CUL4A: variants seen among roughly 807,000 people sequenced by gnomAD.
CUL4A encodes the protein cullin 4A.
Under a neutral mutation model 95.5 loss-of-function variants are expected in CUL4A, and 16 were observed. The observed-to-expected ratio is 0.17, with a 90% confidence interval of 0.11 to 0.25. The LOEUF (loss-of-function observed/expected upper bound fraction) is 0.25. Among genes scored for constraint, CUL4A ranks in the 10% least tolerant of loss-of-function variants. CUL4A has a pLI of 1.00. For missense variants in CUL4A, 610 were observed against 937.0 expected (o/e 0.65, Z 4.56); for synonymous variants, 380 against 353.1 (o/e 1.08, Z -0.85).
rs1253267094 is a variant in CUL4A at position 113,209,898 on chromosome 13, C to T, written c.149-75C>T. On this transcript the variant is annotated intron_variant, in intron 1 of 19. Transcript: ENST00000375440. The stretch of plus-strand genomic sequence containing the variant: ...CCCGGGAGCGGGGGCGCCGGGGCGC[C>T]GGCCGGGTCGGGGGTGGCTACGCGG... 9 of 1,229,514 alleles carry T rather than the reference C, an allele frequency of 7.3e-6. No individual in the cohort carries two copies. The African/African-American group carries it at 8.0e-5, about 11-fold the overall frequency. 76.2% of individuals were successfully genotyped at this position (1,229,514 alleles called of 1,614,324 possible). A position where few individuals can be genotyped will look rare whatever the true frequency, so the allele number is the denominator to read the frequency against.
At chr13:113,226,923 G>A (rs2041125973) in intron 3 of CUL4A, among the ~76,000 whole-genome samples, 1 of 152,184 alleles carries the variant, frequency 6.6e-6, no homozygotes, top group Non-Finnish European at 1.5e-5. Context: ...GCCCCCCTGT[G>A]GGAGTATGTT....
At chr13:113,244,119 G>C (rs374177851) in intron 11 of CUL4A, 50 of 276,548 alleles carry the variant, frequency 1.8e-4, no homozygotes, top group African/African-American at 9.0e-4. Context: ...TGAAACCTGA[G>C]CATGTATTTG....
At chr13:113,251,051 C>T (rs1270338773) in intron 15 of CUL4A, among the ~76,000 whole-genome samples, 2 of 152,140 alleles carry the variant, frequency 1.3e-5, no homozygotes, top group African/African-American at 4.8e-5. Context: ...GTCTAGAGAG[C>T]AGCAGGCATT....
At position 113,232,400 on chromosome 13, in the gene CUL4A, CCA is replaced by C. The variant is rs1445214025; in HGVS notation, c.513-775_513-774del. ...CCTGTCCACCACTATATTACTGCTG[CCA>C]CCACCACCACTATTACTATTACTGC... On this transcript the variant is annotated intron_variant, in intron 5 of 19. Transcript: ENST00000375440. Among the ~76,000 whole-genome samples, 3 of 87,776 alleles carry C rather than the reference CCA, an allele frequency of 3.4e-5. No individual in the cohort carries two copies. In the South Asian group the frequency reaches 1.0e-3, roughly 30 times the overall value. 57.6% of individuals were successfully genotyped at this position (87,776 alleles called of 152,430 possible).
At chr13:113,234,279 T>C (rs1026236300) in intron 7 of CUL4A, among the ~76,000 whole-genome samples, 5 of 152,150 alleles carry the variant, frequency 3.3e-5, no homozygotes, top group African/African-American at 4.8e-5. Context: ...AAAACATACA[T>C]GAAAACTTAA....
chr13:113,217,358 G>A (rs1056430520), intron 2 of CUL4A, among the ~76,000 whole-genome samples: 1 of 152,172 alleles, frequency 6.6e-6, no homozygotes, highest in East Asian at 1.9e-4. Flanking sequence ...AGGAGTTAAA[G>A]TAAATACAGA....
chr13:113,261,095 T>A lies in CUL4A; in HGVS notation c.2184+336T>A, dbSNP rs75715495. Among the ~76,000 whole-genome samples the A allele has an allele frequency of 8.3e-3, 1,259 of 152,266 alleles. 24 individuals carry two copies. Among genetic ancestry groups the A allele is most frequent in the African/African-American group, 0.029 (1,191 of 41,540 alleles). On this transcript the variant is annotated intron_variant, in intron 19 of 19. Transcript: ENST00000375440. ...GTTACATCACAAGATTTTAAGGAAA[T>A]GATAACAATAACTAACTTACTCAGC...
intron 3 of CUL4A, among the ~76,000 whole-genome samples, chr13:113,224,314 C>G (rs957458265): frequency 2.0e-5 from 3 of 151,962 alleles, no homozygotes; most frequent in African/African-American, 7.3e-5. Flanking sequence ...GATCGCACCA[C>G]TGCACTCCAG....
At chr13:113,219,192 C>A in intron 3 of CUL4A, 144 bp downstream of exon 3, 1 of 497,242 alleles carries the variant, frequency 2.0e-6, no homozygotes, top group South Asian at 4.0e-5. Context: ...GGTTTGTAAG[C>A]GAAATTTACC....
rs1223064524 is a variant in CUL4A at position 113,267,075 on chromosome 13, C to G, written c.*3493C>G. The G allele has an allele frequency of 6.6e-6, 1 of 152,060 alleles. No homozygotes were observed. The highest frequency in any genetic ancestry group is 2.4e-5 in the African/African-American group (1 of 41,398). The allele number at this position is 152,060 out of a possible 1,614,324, so 9.4% of individuals were successfully genotyped here. A position where few individuals can be genotyped will look rare whatever the true frequency, so the allele number is the denominator to read the frequency against. On this transcript the variant is annotated 3_prime_UTR_variant, in exon 20 of 20. Transcript: ENST00000375440. ...ATTCACCATGCTGTACAATAGAACTCAGAAAAAGAAAAATATAGTCCTCCT... is the reference window on the plus strand; with the variant it reads ...ATTCACCATGCTGTACAATAGAACTGAGAAAAAGAAAAATATAGTCCTCCT...
At chr13:113,215,952 C>G (rs577851864) in intron 2 of CUL4A, among the ~76,000 whole-genome samples, 4 of 142,940 alleles carry the variant, frequency 2.8e-5, no homozygotes, top group African/African-American at 8.0e-5. Context: ...ATGGAGGTCT[C>G]GTCTGTGTGG....
intron 7 of CUL4A, 52 bp downstream of exon 7, chr13:113,234,038 C>G: frequency 1.8e-6 from 2 of 1,092,056 alleles, no homozygotes; most frequent in Non-Finnish European, 2.8e-6. Context: ...TGCAGATGAG[C>G]ACCTAGGAGG....
At chr13:113,214,869 G>T (rs1007580170) in intron 2 of CUL4A, among the ~76,000 whole-genome samples, 1 of 152,064 alleles carries the variant, frequency 6.6e-6, no homozygotes. Context: ...TGTGAAGGTC[G>T]CTATATGACT....
chr13:113,208,779 A>G (rs2040175874), upstream of CUL4A: 10 of 1,422,906 alleles, frequency 7.0e-6, no homozygotes, highest in East Asian at 2.7e-5. Flanking sequence ...GAACCTGGGG[A>G]CCGGCTCGGC....
At chr13:113,208,769 G>C (rs1238093805), upstream of CUL4A, 1 of 1,436,304 alleles carries the variant, frequency 7.0e-7, no homozygotes, top group Non-Finnish European at 9.1e-7. Flanking sequence ...TCCGGAGGGA[G>C]AACCTGGGGA....
At chr13:113,223,081 G>A (rs1204366652) in intron 3 of CUL4A, among the ~76,000 whole-genome samples, 1 of 152,184 alleles carries the variant, frequency 6.6e-6, no homozygotes, top group Non-Finnish European at 1.5e-5. Flanking sequence ...GCTGGTTACT[G>A]TGATGAAGGC....
chr13:113,250,368 C>A (rs1247675820), intron 15 of CUL4A, among the ~76,000 whole-genome samples: 1 of 152,112 alleles, frequency 6.6e-6, no homozygotes, highest in Non-Finnish European at 1.5e-5. Context: ...GGCAGGATTG[C>A]CTGAGTCTGG....
intron 3 of CUL4A, among the ~76,000 whole-genome samples, chr13:113,223,376 A>C (rs1267480694): frequency 6.6e-6 from 1 of 151,920 alleles, no homozygotes; most frequent in Non-Finnish European, 1.5e-5. Flanking sequence ...TCTACTTTCT[A>C]AGATTTAAGT....
chr13:113,209,871 G>A (rs2040297031), intron 1 of CUL4A, 96 bp downstream of exon 1: 4 of 1,191,392 alleles, frequency 3.4e-6, no homozygotes, highest in South Asian at 3.2e-5. Context: ...ATCCGTGCGG[G>A]CCCCGGGAGC....
Sources: allele counts gnomAD v4.1 joint callset (sites outside exome capture counted in the v4.1 genomes callset), GRCh38; gene constraint gnomAD v4.1.1; transcripts MANE v1.5; gene names NCBI Gene and HGNC (gene_info 2026-07-23, HGNC 2026-07-21).